The following CNOT1 variants were observed in gnomAD, a reference collection of about 807,000 sequenced individuals.
The protein encoded by CNOT1 is CCR4-NOT transcription complex subunit 1, also known as CCR4-associated factor 1.
Under a neutral mutation model 273.8 loss-of-function variants are expected in CNOT1, and 15 were observed. That is an observed-to-expected ratio of 0.05 (90% CI 0.04 to 0.08). The LOEUF (loss-of-function observed/expected upper bound fraction) is 0.08, where lower values mean the gene tolerates loss of function less well. Ranked by LOEUF, CNOT1 falls within the 10% of genes least tolerant of loss-of-function variation. CNOT1 has a pLI of 1.00. For missense variants in CNOT1, 1,644 were observed against 2,912.2 expected (o/e 0.56, Z 10.02); for synonymous variants, 1,022 against 1,005.5 (o/e 1.02, Z -0.31).
At chr16:58,625,679 T>C (rs1353782323) in intron 1 of CNOT1, among the ~76,000 whole-genome samples, 1 of 149,324 alleles carries the variant, frequency 6.7e-6, no homozygotes, top group Non-Finnish European at 1.5e-5. Flanking sequence ...AGCAAAACTC[T>C]CTCTCAAAAA....
chr16:58,604,599 T>C (rs377052734), intron 1 of CNOT1, among the ~76,000 whole-genome samples: 7 of 131,664 alleles, frequency 5.3e-5, no homozygotes, highest in East Asian at 4.4e-4. Context: ...CTGACCAACA[T>C]GGAGAAACCC....
At position 58,546,285 on chromosome 16, in the gene CNOT1, T is replaced by C. The variant is rs1460705725; in HGVS notation, c.4006+36A>G. On this transcript the variant is annotated intron_variant, in intron 29 of 48. Transcript: ENST00000317147. ...GTACCATTTAAGATAGTATCCTAGC[T>C]AACAGAAGCCTTCCTTGACTAATTA... 3.2e-6 allele frequency: 5 copies of C among 1,560,168 alleles called. No homozygotes were observed. The African/African-American group carries it at 6.8e-5, about 21-fold the overall frequency.
rs1460078601 is a variant in CNOT1, at chr16:58,539,481, A to C, written c.4992+287T>G. On this transcript the variant is annotated intron_variant, in intron 35 of 48. Coordinates refer to ENST00000317147, the MANE Select transcript of CNOT1 (RefSeq NM_016284.5). Reference sequence around the variant, plus strand: ...CCCTGTCTCTTACACACACACACACACACACACACACAGACACACACACCC... The same window carrying C: ...CCCTGTCTCTTACACACACACACACCCACACACACACAGACACACACACCC... Among the ~76,000 whole-genome samples, 8 of 90,662 alleles carry C rather than the reference A, an allele frequency of 8.8e-5. No individual in the cohort carries two copies. The South Asian group carries it at 1.5e-3, about 17-fold the overall frequency. 59.5% of individuals were successfully genotyped at this position (90,662 alleles called of 152,430 possible).
At chr16:58,522,309 C>T (rs1047218288) in intron 47 of CNOT1, among the ~76,000 whole-genome samples, 3 of 149,602 alleles carry the variant, frequency 2.0e-5, no homozygotes, top group African/African-American at 4.9e-5. Flanking sequence ...AAAATTTTTC[C>T]GAATGCCAGT....
chr16:58,588,344 T>C (rs911196787), intron 3 of CNOT1, among the ~76,000 whole-genome samples: 3 of 151,764 alleles, frequency 2.0e-5, no homozygotes, highest in African/African-American at 7.3e-5. Context: ...AAGAAAGTTA[T>C]AAAAATAGAG....
chr16:58,560,256 G>A lies in CNOT1; in HGVS notation c.2086C>T (p.Arg696Cys), dbSNP rs913085083. 3.7e-6 allele frequency: 6 copies of A among 1,613,956 alleles called. No homozygotes were observed. Among genetic ancestry groups the A allele is most frequent in the South Asian group, 1.1e-5 (1 of 91,082 alleles). Residue 696 changes from arginine (R) to cysteine (C), a missense_variant, in exon 17 of 49, where the codon CGT becomes TGT. Transcript: ENST00000317147. ...QPPPGVMPKG[R>C]PPSASSLDAI... ...TCTAAGCTGCTAGCACTAGGAGGAC[G>A]TCCTTTTGGCATAACTCCAGGTGGT...
intron 16 of CNOT1, among the ~76,000 whole-genome samples, chr16:58,562,700 G>A (rs1176152699): frequency 6.6e-6 from 1 of 151,662 alleles, no homozygotes; most frequent in Non-Finnish European, 1.5e-5. Flanking sequence ...GCAGGTGCCT[G>A]TAATCCCAGC....
intron 25 of CNOT1, chr16:58,548,384 G>T: frequency 2.3e-6 from 1 of 435,352 alleles, no homozygotes; most frequent in Non-Finnish European, 4.5e-6. Context: ...TTGACTTAGG[G>T]CTATATTTAA....
At chr16:58,576,893 A>T (rs2041472806) in intron 13 of CNOT1, among the ~76,000 whole-genome samples, 1 of 152,222 alleles carries the variant, frequency 6.6e-6, no homozygotes, top group African/African-American at 2.4e-5. Flanking sequence ...TGTGAACATG[A>T]GGTTACATCA....
At chr16:58,553,511 C>G (rs1039827528) in intron 22 of CNOT1, among the ~76,000 whole-genome samples, 8 of 80,370 alleles carry the variant, frequency 1.0e-4, no homozygotes, top group Non-Finnish European at 1.3e-4. Context: ...ACTGTTTATT[C>G]TTCAACTGCA....
Position 58,549,752 on chromosome 16 carries a change from C to G in CNOT1, c.3489G>C (p.Lys1163Asn). Residue 1163 changes from lysine (K) to asparagine (N), a missense_variant, in exon 25 of 49, where the codon AAG (lysine) becomes AAC (asparagine). Physicochemically the swap from Lys to Asn is moderately conservative, Grantham distance 94. Transcript: ENST00000317147. ...TTCTGTAGGTCTCATTCAGAACCAT[C>G]TTGTTAAATTCAGGATTCTTCAGCG... Reference protein sequence around the residue: ...LDTLKNPEFNKMVLNETYRNI... With the variant: ...LDTLKNPEFNNMVLNETYRNI... 6.2e-7 allele frequency: 1 copy of G among 1,613,066 alleles called. No homozygotes were observed.
At chr16:58,529,975 G>A (rs182428022) in intron 43 of CNOT1, among the ~76,000 whole-genome samples, 4 of 151,896 alleles carry the variant, frequency 2.6e-5, no homozygotes, top group African/African-American at 9.7e-5. Context: ...GCAAGATGAA[G>A]ATGGGGGAAA....
intron 14 of CNOT1, among the ~76,000 whole-genome samples, chr16:58,575,982 T>C (rs2041446719): frequency 6.6e-6 from 1 of 152,190 alleles, no homozygotes. Context: ...AAAAACACTT[T>C]TATCTACCTA....
intron 7 of CNOT1, 85 bp from the exon 8 acceptor site, chr16:58,585,591 A>G: frequency 6.7e-7 from 1 of 1,502,308 alleles, no homozygotes; most frequent in Non-Finnish European, 8.9e-7. Context: ...CCTCAAACCC[A>G]ATTCTCTCAC....
intron 1 of CNOT1, among the ~76,000 whole-genome samples, chr16:58,603,255 C>T (rs1047412398): frequency 8.5e-5 from 13 of 152,124 alleles, no homozygotes; most frequent in African/African-American, 2.7e-4. Flanking sequence ...AAAACCCAGG[C>T]ATGGTGGCTC....
intron 11 of CNOT1, 117 bp from the exon 12 acceptor site, chr16:58,580,877 A>C (rs1174738557): frequency 9.8e-7 from 1 of 1,024,832 alleles, no homozygotes; most frequent in Non-Finnish European, 1.4e-6. Context: ...TTTCCCGTTT[A>C]AAATCTTAAT....
chr16:58,622,552 T>C (rs1441394187), intron 1 of CNOT1, among the ~76,000 whole-genome samples: 3 of 152,126 alleles, frequency 2.0e-5, no homozygotes, highest in Non-Finnish European at 4.4e-5. Context: ...TGCTGAGTTC[T>C]GAATATAAAG....
intron 8 of CNOT1, among the ~76,000 whole-genome samples, chr16:58,584,517 G>A (rs1332867151): frequency 6.6e-6 from 1 of 151,994 alleles, no homozygotes; most frequent in Admixed American, 6.5e-5. Flanking sequence ...TTTTAGTATA[G>A]ACAGGGTCTT....
At chr16:58,604,809 C>A (rs1196387664) in intron 1 of CNOT1, among the ~76,000 whole-genome samples, 244 of 89,222 alleles carry the variant, frequency 2.7e-3, no homozygotes, top group African/African-American at 3.4e-3. Context: ...AAAAAAAAAA[C>A]AAAAAACAAA....
Sources: gnomAD v4.1 joint callset for allele counts (sites outside exome capture counted in the v4.1 genomes callset) on GRCh38, gnomAD v4.1.1 for gene constraint, MANE v1.5 for transcripts, NCBI Gene and HGNC (gene_info 2026-07-23, HGNC 2026-07-21) for gene names.